The following ZNF480 variants were observed in gnomAD, a reference collection of about 807,000 sequenced individuals.
ZNF480 encodes zinc finger protein 480.
Under a neutral mutation model 14.4 loss-of-function variants are expected in ZNF480, and 15 were observed. That is an observed-to-expected ratio of 1.04 (90% confidence interval 0.70 to 1.60). The LOEUF (loss-of-function observed/expected upper bound fraction) is 1.60. Ranked by LOEUF, ZNF480 falls within the 40% of genes most tolerant of loss-of-function variation. The pLI is 0.00. For missense variants in ZNF480, 593 were observed against 629.7 expected (o/e 0.94, Z 0.62); for synonymous variants, 218 against 215.5 (o/e 1.01, Z -0.10).
At position 52,322,307 on chromosome 19, in the gene ZNF480, T is replaced by C. The variant is rs1036199316; in HGVS notation, c.1057T>C (p.Tyr353His). ...ATGTGATGAATGTGGCAAGGCCTTC[T>C]ATAGGATTGCGCTCCTTGTACGACA... ...YKCDECGKAF[Y>H]RIALLVRHQK... The change falls in exon 5 of 5, where the codon TAT becomes CAT. Residue 353 changes from tyrosine to histidine, a missense_variant. Coordinates refer to ENST00000595962, the MANE Select transcript of ZNF480 (RefSeq NM_144684.4). 6.2e-7 allele frequency: 1 copy of C among 1,607,784 alleles called. No individual in the cohort carries two copies. The highest frequency in any genetic ancestry group is 8.5e-7 in the Non-Finnish European group (1 of 1,178,126).
chr19:52,306,500 C>G (rs1982938122), intron 2 of ZNF480, among the ~76,000 whole-genome samples: 1 of 152,158 alleles, frequency 6.6e-6, no homozygotes, highest in Non-Finnish European at 1.5e-5. Flanking sequence ...TGTGAGCAGC[C>G]TGGATGGAAG....
At chr19:52,312,270 C>T (rs756815280) in intron 2 of ZNF480, among the ~76,000 whole-genome samples, 6 of 151,944 alleles carry the variant, frequency 3.9e-5, no homozygotes, top group African/African-American at 7.3e-5. Context: ...AAGTGATTCT[C>T]CTGCCTCAGC....
chr19:52,319,258 A>C (rs1341613065), intron 4 of ZNF480, among the ~76,000 whole-genome samples: 1 of 152,122 alleles, frequency 6.6e-6, no homozygotes, highest in Non-Finnish European at 1.5e-5. Context: ...TCCCTGTAGC[A>C]TTTCTTGTTG....
chr19:52,300,628 C>T (rs1982645358), intron 2 of ZNF480, 144 bp downstream of exon 2: 1 of 1,431,554 alleles, frequency 7.0e-7, no homozygotes, highest in African/African-American at 1.4e-5. Context: ...AGTGCCGAGA[C>T]CAGCTTGGTC....
intron 2 of ZNF480, chr19:52,300,932 G>C: frequency 5.3e-6 from 1 of 187,240 alleles, no homozygotes; most frequent in Non-Finnish European, 1.1e-5. Flanking sequence ...GCTATTGTTT[G>C]TGGTTTGAGC....
chr19:52,316,319 C>T (rs540540132), intron 4 of ZNF480, among the ~76,000 whole-genome samples: 15 of 151,778 alleles, frequency 9.9e-5, no homozygotes, highest in South Asian at 6.3e-4. Flanking sequence ...CTCTGCCTCC[C>T]GGGTTCAAGG....
intron 2 of ZNF480, chr19:52,307,284 C>T (rs1341237099): frequency 6.6e-6 from 1 of 152,266 alleles, no homozygotes; most frequent in Non-Finnish European, 1.5e-5. Flanking sequence ...CTAACCTTTA[C>T]TTTTCCTTTT....
intron 1 of ZNF480, chr19:52,298,019 AG>A (rs1056044267): frequency 6.6e-6 from 1 of 152,424 alleles, no homozygotes; most frequent in South Asian, 2.1e-4. Context: ...AGAAAGTAGC[AG>A]GGGGAAAAAA....
In ZNF480 at chr19:52,322,118, A is replaced by G. The variant is rs369962879; in HGVS notation, c.868A>G (p.Asn290Asp). The change falls in exon 5 of 5, where the codon AAT becomes GAT. Residue 290 changes from asparagine to aspartate, a missense_variant. Asn to Asp is a conservative substitution (Grantham distance 23). Transcript: ENST00000595962. Reference protein sequence around the residue: ...IHTREKPYECNECGKVFSNNS... With the variant: ...IHTREKPYECDECGKVFSNNS... ...TACCAGAGAGAAGCCGTATGAATGT[A>G]ATGAATGTGGTAAAGTCTTCAGTAA... 1.2e-6 allele frequency: 2 copies of G among 1,614,040 alleles called. No homozygotes were observed. The highest frequency in any genetic ancestry group is 3.3e-5 in the Admixed American group (2 of 60,004).
intron 4 of ZNF480, among the ~76,000 whole-genome samples, chr19:52,321,350 T>G (rs2122562441): frequency 6.6e-6 from 1 of 152,302 alleles, no homozygotes; most frequent in East Asian, 1.9e-4. Flanking sequence ...TCTCTACTCA[T>G]AATCCCTCTC....
rs200977154 is a variant in ZNF480 at position 52,322,538 on chromosome 19, A to T, written c.1288A>T (p.Asn430Tyr). 109 of 1,614,152 alleles carry T rather than the reference A, an allele frequency of 6.8e-5. No individual in the cohort carries two copies. In the South Asian group the frequency reaches 9.9e-4, roughly 15 times the overall value. ...TACTGGAGAGAAGCCTTACAAATGT[A>T]ATGAATGTGGTAAAGCATTTAGTGA... ...IHTGEKPYKC[N>Y]ECGKAFSEYS... The change falls in exon 5 of 5, where the codon AAT (asparagine) becomes TAT (tyrosine). Residue 430 changes from asparagine to tyrosine, a missense_variant. Asn to Tyr is a moderately radical substitution (Grantham distance 143, BLOSUM62 -2). Transcript: ENST00000595962.
At chr19:52,307,569 C>G (rs1316144670) in intron 2 of ZNF480, 1 of 152,210 alleles carries the variant, frequency 6.6e-6, no homozygotes, top group African/African-American at 2.4e-5. Context: ...TACACAGACA[C>G]AAGAATAGAC....
chr19:52,314,222 C>T lies in ZNF480; in HGVS notation c.142C>T (p.Gln48Ter). 1.3e-6 allele frequency: 2 copies of T among 1,584,772 alleles called. No homozygotes were observed. Among genetic ancestry groups the T allele is most frequent in the Non-Finnish European group, 1.7e-6 (2 of 1,161,520 alleles). ...GGAGTGGAAATGCCTGGACCCTGCA[C>T]AGAGGGCTTTATACAAGGATGTGAT... is the stretch of plus-strand genomic sequence containing the variant. Reference protein sequence around the residue: ...QAEWKCLDPAQRALYKDVMLE... With the variant: ...QAEWKCLDPA Residue 48 changes from glutamine (Q) to a stop codon, truncating the protein, a stop_gained, in exon 3 of 5, where the codon CAG becomes TAG. Transcript: ENST00000595962. LOFTEE classifies it high-confidence loss of function.
Position 52,315,955 on chromosome 19 carries a change from G to A in ZNF480, c.321G>A (p.Val107=). Residue 107 remains valine, a synonymous_variant, in exon 4 of 5, where the codon GTG becomes GTA. Coordinates refer to ENST00000595962, the MANE Select transcript of ZNF480 (RefSeq NM_144684.4). ...ATGGGAGGGAGTGCATCAAAGGTGT[G>A]AACACAGGTAAGAGCTCAGATGGGC... ...NSDGRECIKG[V]NTGSSYALGS... 3 of 1,608,108 alleles carry A rather than the reference G, an allele frequency of 1.9e-6. No individual in the cohort carries two copies. The highest frequency in any genetic ancestry group is 2.2e-5 in the East Asian group (1 of 44,848).
At position 52,321,966 on chromosome 19, in the gene ZNF480, T is replaced by A; in HGVS notation, c.716T>A (p.Val239Asp). ...TACAAATGTAATTCATGCGGCAAGG[T>A]CTTTAGTCGCAATTCACACCTTGCA... is the stretch of plus-strand genomic sequence containing the variant. ...KPYKCNSCGKVFSRNSHLAEH... is the reference protein window; with the variant it reads ...KPYKCNSCGKDFSRNSHLAEH... The change falls in exon 5 of 5, where the codon GTC becomes GAC. Residue 239 changes from valine to aspartate, a missense_variant. By Grantham distance (152) the Val-to-Asp change is radical (BLOSUM62 -3). Transcript: ENST00000595962. 1 of 1,612,390 alleles carries A rather than the reference T, an allele frequency of 6.2e-7. No homozygotes were observed. Among genetic ancestry groups the A allele is most frequent in the Non-Finnish European group, 8.5e-7 (1 of 1,178,620 alleles).
At chr19:52,317,445 A>C (rs1015692619) in intron 4 of ZNF480, 2 of 152,126 alleles carry the variant, frequency 1.3e-5, no homozygotes, top group African/African-American at 4.8e-5. Context: ...ATCTCGGCTA[A>C]CTGCAACCTC....
At chr19:52,312,061 A>G (rs1983314048) in intron 2 of ZNF480, among the ~76,000 whole-genome samples, 1 of 152,100 alleles carries the variant, frequency 6.6e-6, no homozygotes, top group African/African-American at 2.4e-5. Flanking sequence ...AATATTTTCC[A>G]TGACCTCGGA....
At chr19:52,314,130 G>T in intron 2 of ZNF480, 23 bp from the exon 3 acceptor site, 1 of 1,546,142 alleles carries the variant, frequency 6.5e-7, no homozygotes, top group Non-Finnish European at 8.8e-7. Context: ...TATCCTGTTG[G>T]TGAAATGTGG....
intron 2 of ZNF480, chr19:52,301,152 A>G (rs1982674153): frequency 6.6e-6 from 1 of 152,658 alleles, no homozygotes; most frequent in Non-Finnish European, 1.5e-5. Context: ...ACGGTGGGCT[A>G]CTTCTCACAG....
Sources: allele counts gnomAD v4.1 joint callset (sites outside exome capture counted in the v4.1 genomes callset), GRCh38; gene constraint gnomAD v4.1.1; transcripts MANE v1.5; gene names NCBI Gene and HGNC (gene_info 2026-07-23, HGNC 2026-07-21).